The following MEF2A variants were observed in gnomAD, a reference collection of about 807,000 sequenced individuals.
MEF2A encodes the protein myocyte-specific enhancer factor 2A.
In MEF2A, 28 loss-of-function variants were observed where a neutral mutation model predicts 55.8. That is an observed-to-expected ratio of 0.50 (90% CI 0.37 to 0.69). The LOEUF is 0.69. Among genes scored for constraint, MEF2A ranks in the 30% least tolerant of loss-of-function variants. The pLI is 0.00. For missense variants in MEF2A, 528 were observed against 626.2 expected (o/e 0.84, Z 1.67); for synonymous variants, 239 against 227.1 (o/e 1.05, Z -0.47).
At chr15:99,689,304 C>T (rs2054901297) in intron 7 of MEF2A, among the ~76,000 whole-genome samples, 1 of 152,150 alleles carries the variant, frequency 6.6e-6, no homozygotes, top group Non-Finnish European at 1.5e-5. Flanking sequence ...GAAATGAGTG[C>T]TGAATAAGCT....
At chr15:99,685,420 A>G (rs1264296972) in intron 7 of MEF2A, among the ~76,000 whole-genome samples, 3 of 151,592 alleles carry the variant, frequency 2.0e-5, no homozygotes, top group African/African-American at 4.9e-5. Context: ...CTCCTTGGTT[A>G]GTTATGTTCC....
intron 10 of MEF2A, among the ~76,000 whole-genome samples, chr15:99,707,989 A>G (rs2902349): frequency 0.67 from 102,249 of 152,066 alleles, 37,250 homozygotes; most frequent in Middle Eastern, 0.87. Context: ...AACCGTTAGT[A>G]TGAAAAATAA....
At chr15:99,599,026 C>T (rs1972139168) in intron 2 of MEF2A, among the ~76,000 whole-genome samples, 1 of 152,006 alleles carries the variant, frequency 6.6e-6, no homozygotes. Flanking sequence ...GAATTTACTG[C>T]CTTAAATTAA....
At position 99,604,049 on chromosome 15, in the gene MEF2A, T is replaced by C. The variant is rs922742957; in HGVS notation, c.-143+5538T>C. On this transcript the variant is annotated intron_variant, in intron 2 of 11. Transcript: ENST00000557942. ...GTTTCTGACAAAAAGTCTGCTGTTC[T>C]TACCTTTTGTTCCCAGTATGTAAGT... Among the ~76,000 whole-genome samples the C allele has an allele frequency of 4.6e-5, 7 of 152,240 alleles. No individual in the cohort carries two copies. The East Asian group carries it at 1.3e-3, about 29-fold the overall frequency.
At chr15:99,609,978 A>C (rs1476074910) in intron 2 of MEF2A, among the ~76,000 whole-genome samples, 3 of 152,248 alleles carry the variant, frequency 2.0e-5, no homozygotes, top group Admixed American at 6.5e-5. Flanking sequence ...AGCAAAGTAG[A>C]CAGCCACTTG....
chr15:99,705,336 C>T (rs1425328987), intron 9 of MEF2A, among the ~76,000 whole-genome samples: 2 of 152,206 alleles, frequency 1.3e-5, no homozygotes, highest in Non-Finnish European at 2.9e-5. Flanking sequence ...CAGAGGGTTT[C>T]TTAGGACAAT....
intron 2 of MEF2A, among the ~76,000 whole-genome samples, chr15:99,625,281 T>C (rs1288589863): frequency 6.6e-6 from 1 of 152,186 alleles, no homozygotes; most frequent in Non-Finnish European, 1.5e-5. Flanking sequence ...CTGGTTTGTG[T>C]GTTGATTTTG....
intron 10 of MEF2A, among the ~76,000 whole-genome samples, chr15:99,710,084 G>A (rs1206809453): frequency 1.3e-5 from 2 of 152,036 alleles, no homozygotes; most frequent in African/African-American, 4.8e-5. Context: ...AGTAACAATT[G>A]TACAGAACAC....
At chr15:99,635,527 C>T (rs934200982) in intron 3 of MEF2A, among the ~76,000 whole-genome samples, 2 of 152,058 alleles carry the variant, frequency 1.3e-5, no homozygotes, top group African/African-American at 2.4e-5. Flanking sequence ...AATTTTTGCA[C>T]AAAGAAGAAG....
intron 2 of MEF2A, among the ~76,000 whole-genome samples, chr15:99,621,577 T>C (rs1208985474): frequency 6.6e-6 from 1 of 152,228 alleles, no homozygotes; most frequent in Non-Finnish European, 1.5e-5. Flanking sequence ...GTTTTCATTT[T>C]ACATTTTGTC....
At chr15:99,604,487 A>G (rs1377574768) in intron 2 of MEF2A, among the ~76,000 whole-genome samples, 1 of 151,500 alleles carries the variant, frequency 6.6e-6, no homozygotes, top group Non-Finnish European at 1.5e-5. Context: ...TTCTTCCATT[A>G]TTCTCTTCAT....
intron 1 of MEF2A, among the ~76,000 whole-genome samples, chr15:99,573,334 C>A (rs1171009197): frequency 1.4e-4 from 21 of 150,662 alleles, no homozygotes; most frequent in Non-Finnish European, 2.8e-4. Flanking sequence ...ACGGAAATAA[C>A]CAACCACAGA....
intron 2 of MEF2A, among the ~76,000 whole-genome samples, chr15:99,608,472 A>C (rs1421462445): frequency 6.6e-6 from 1 of 152,224 alleles, no homozygotes; most frequent in Non-Finnish European, 1.5e-5. Context: ...AGAAATCCAA[A>C]TTAAAATAGA....
intron 1 of MEF2A, among the ~76,000 whole-genome samples, chr15:99,567,296 A>AT (rs1960086339): frequency 6.6e-6 from 1 of 152,136 alleles, no homozygotes; most frequent in Non-Finnish European, 1.5e-5. Context: ...TTGTCTTAAC[A>AT]TTTTTTCGGG....
chr15:99,636,735 C>T (rs1056285855), intron 3 of MEF2A, among the ~76,000 whole-genome samples: 3 of 152,072 alleles, frequency 2.0e-5, no homozygotes, highest in African/African-American at 7.2e-5. Context: ...TTTTGTGTCA[C>T]GTTTAAGAAA....
chr15:99,649,744 A>G (rs922508188), intron 4 of MEF2A, among the ~76,000 whole-genome samples: 1 of 152,174 alleles, frequency 6.6e-6, no homozygotes, highest in Non-Finnish European at 1.5e-5. Context: ...ACACATGCAT[A>G]TGTGTGTAAT....
At chr15:99,682,669 C>T (rs184125773) in intron 7 of MEF2A, among the ~76,000 whole-genome samples, 1 of 152,316 alleles carries the variant, frequency 6.6e-6, no homozygotes, top group African/African-American at 2.4e-5. Flanking sequence ...CTACTGACTC[C>T]TGACTTTACA....
rs370921147 is a variant in MEF2A, at chr15:99,712,616, A to G, written c.1363A>G (p.Ser455Gly). ...RQEMGRSPVD[S>G]LSSSSSSYDG... The stretch of plus-strand genomic sequence containing the variant: ...GGAAATGGGGCGCTCCCCTGTGGAC[A>G]GTCTGAGCAGCTCTAGTAGCTCCTA... The change falls in exon 12 of 12, where the codon AGT becomes GGT. Residue 455 changes from serine (S) to glycine (G), a missense_variant. Around this residue, in one of 2 missense-constraint regions of MEF2A, gnomAD observed 450 missense variants for 475.3 expected, o/e 0.95. Coordinates refer to ENST00000557942, the MANE Select transcript of MEF2A (RefSeq NM_001319206.4). The surrounding 1 kb of genome is among the most constrained non-coding windows in gnomAD (Gnocchi z 4.1). The G allele has an allele frequency of 3.9e-6, 6 of 1,551,832 alleles. No homozygotes were observed. Among genetic ancestry groups the G allele is most frequent in the East Asian group, 2.4e-5 (1 of 40,916 alleles).
intron 2 of MEF2A, among the ~76,000 whole-genome samples, chr15:99,623,936 T>C (rs2041665780): frequency 6.6e-6 from 1 of 151,976 alleles, no homozygotes; most frequent in African/African-American, 2.4e-5. Context: ...GCCTCCCAAG[T>C]AGCTGGGATT....
Sources: allele counts gnomAD v4.1 joint callset (sites outside exome capture counted in the v4.1 genomes callset), GRCh38; gene constraint gnomAD v4.1.1; regional missense constraint gnomAD v4.1.1; non-coding constraint Gnocchi (gnomAD v3.1); transcripts MANE v1.5; gene names NCBI Gene and HGNC (gene_info 2026-07-23, HGNC 2026-07-21).